Variants in RBFOX1 observed in about 807,000 individuals in gnomAD.
The protein encoded by RBFOX1 is RNA binding fox-1 homolog 1.
RBFOX1 carries 8 observed loss-of-function variants against 57.7 expected under a neutral mutation model. That is an observed-to-expected ratio of 0.14 (90% CI 0.08 to 0.25). RBFOX1 has a LOEUF of 0.25. Ranked by LOEUF, RBFOX1 falls within the 10% of genes least tolerant of loss-of-function variation. The probability of loss-of-function intolerance (pLI) is 1.00; values close to 1 mark genes in which losing one functional copy is unlikely to be tolerated. For missense variants in RBFOX1, 611 were observed against 548.5 expected, an observed-to-expected ratio of 1.11 and a Z score of -1.14; for synonymous variants, 326 against 222.4, an observed-to-expected ratio of 1.47 and a Z score of -4.15.
chr16:6,210,875 G>A (rs985263728), intron 1 of RBFOX1, among the ~76,000 whole-genome samples: 22 of 152,340 alleles, frequency 1.4e-4, no homozygotes, highest in Non-Finnish European at 2.8e-4. Flanking sequence ...CCCTAGAGGT[G>A]TCAGCTCAGC....
At chr16:5,898,744 C>T (rs991168502) in intron 4 of RBFOX1, among the ~76,000 whole-genome samples, 4 of 151,814 alleles carry the variant, frequency 2.6e-5, no homozygotes, top group African/African-American at 9.7e-5. Context: ...TTTGTAGCTT[C>T]CCTCTCATTA....
chr16:5,704,545 A>T (rs2051170039), intron 3 of RBFOX1, among the ~76,000 whole-genome samples: 1 of 152,204 alleles, frequency 6.6e-6, no homozygotes, highest in Non-Finnish European at 1.5e-5. Flanking sequence ...TTCAGCAGTC[A>T]CACCGTTATT....
At chr16:6,688,669 G>A (rs2059787386) in intron 3 of RBFOX1, among the ~76,000 whole-genome samples, 1 of 152,092 alleles carries the variant, frequency 6.6e-6, no homozygotes, top group African/African-American at 2.4e-5. Flanking sequence ...TTTAAGTTCT[G>A]GGATACATGT....
At position 6,969,790 on chromosome 16, in the gene RBFOX1, G is replaced by A. The variant is rs561788367; in HGVS notation, c.-15-82267G>A. On this transcript the variant is annotated intron_variant, in intron 3 of 15. Transcript: ENST00000550418. ...CGTATCTTAATTGCTGAGCTCTCTG[G>A]TGCCCCCTTCAGTTGTGTTGCCTCA... Among the ~76,000 whole-genome samples, 24 of 151,998 alleles carry A rather than the reference G, an allele frequency of 1.6e-4. 1 individual carries two copies. In the South Asian group the frequency reaches 2.5e-3, roughly 16 times the overall value.
intron 1 of RBFOX1, among the ~76,000 whole-genome samples, chr16:6,206,584 TATTAA>T (rs1361172287): frequency 2.6e-5 from 4 of 152,214 alleles, no homozygotes; most frequent in Admixed American, 2.6e-4. Flanking sequence ...TTGTTGAATA[TATTAA>T]ATTAAACCTT....
At chr16:7,682,569 T>C (rs2075043266) in intron 14 of RBFOX1, among the ~76,000 whole-genome samples, 1 of 151,826 alleles carries the variant, frequency 6.6e-6, no homozygotes, top group East Asian at 1.9e-4. Flanking sequence ...TAATCTTTTA[T>C]TTTTACTCAA....
intron 2 of RBFOX1, among the ~76,000 whole-genome samples, chr16:6,634,892 A>C (rs1450705867): frequency 7.2e-6 from 1 of 139,640 alleles, no homozygotes; most frequent in Non-Finnish European, 1.5e-5. Flanking sequence ...TAAATTAAAA[A>C]TACACATGTA....
intron 2 of RBFOX1, chr16:6,483,360 G>A (rs1469164375): frequency 3.3e-6 from 5 of 1,500,160 alleles, no homozygotes; most frequent in Non-Finnish European, 4.4e-6. Context: ...CAGCCCGGGC[G>A]AGCGAAGGCG....
chr16:5,518,589 C>T (rs542303851), intron 2 of RBFOX1, among the ~76,000 whole-genome samples: 2 of 152,152 alleles, frequency 1.3e-5, no homozygotes, highest in Non-Finnish European at 2.9e-5. Flanking sequence ...AATCCATAAA[C>T]CTGCAAGGAT....
intron 4 of RBFOX1, among the ~76,000 whole-genome samples, chr16:6,007,214 A>G (rs2094932836): frequency 6.6e-6 from 1 of 152,172 alleles, no homozygotes; most frequent in Non-Finnish European, 1.5e-5. Context: ...CATAAGTGGA[A>G]TAGGACAGAA....
At chr16:6,770,924 C>G (rs1019000507) in intron 3 of RBFOX1, among the ~76,000 whole-genome samples, 39 of 152,144 alleles carry the variant, frequency 2.6e-4, no homozygotes, top group African/African-American at 9.4e-4. Context: ...AGAATTACCT[C>G]TTATTTGGAG....
chr16:5,689,506 T>C (rs1322404590), intron 3 of RBFOX1, among the ~76,000 whole-genome samples: 1 of 152,204 alleles, frequency 6.6e-6, no homozygotes, highest in Non-Finnish European at 1.5e-5. Flanking sequence ...TTGTCTGGTA[T>C]GTGGGAAATA....
At chr16:6,517,280 G>C (rs1359185433) in intron 2 of RBFOX1, among the ~76,000 whole-genome samples, 1 of 152,134 alleles carries the variant, frequency 6.6e-6, no homozygotes, top group Non-Finnish European at 1.5e-5. Flanking sequence ...TATTCAGTTT[G>C]CTCTAATCCA....
intron 4 of RBFOX1, among the ~76,000 whole-genome samples, chr16:5,994,765 A>C (rs768711847): frequency 1.3e-5 from 2 of 152,072 alleles, no homozygotes; most frequent in Admixed American, 6.5e-5. Context: ...GATGAGCCCT[A>C]CTCCACACCA....
chr16:5,255,342 A>C (rs202067854), intron 1 of RBFOX1, among the ~76,000 whole-genome samples: 3,023 of 73,650 alleles, frequency 0.041, 99 homozygotes, highest in African/African-American at 0.13. Flanking sequence ...CCATCCATCC[A>C]TCCATCCATC....
intron 3 of RBFOX1, among the ~76,000 whole-genome samples, chr16:6,777,290 G>C (rs2079539150): frequency 6.6e-6 from 1 of 152,100 alleles, no homozygotes; most frequent in Non-Finnish European, 1.5e-5. Flanking sequence ...TGGAGTAATT[G>C]ATTAGTACTA....
chr16:5,515,694 A>G (rs1453890992), intron 2 of RBFOX1, among the ~76,000 whole-genome samples: 2 of 152,174 alleles, frequency 1.3e-5, no homozygotes, highest in African/African-American at 4.8e-5. Context: ...CCAATATCCA[A>G]TAGTTTTGGG....
chr16:6,093,332 G>A (rs2096202990), intron 1 of RBFOX1, among the ~76,000 whole-genome samples: 1 of 151,904 alleles, frequency 6.6e-6, no homozygotes, highest in South Asian at 2.1e-4. Context: ...ACATCTACTT[G>A]GAAGGTTGAG....
At chr16:5,650,303 G>A (rs946686418) in intron 3 of RBFOX1, among the ~76,000 whole-genome samples, 17 of 152,086 alleles carry the variant, frequency 1.1e-4, no homozygotes, top group African/African-American at 3.9e-4. Context: ...CACACTCCTC[G>A]TCCTCTTCAG....
Sources: allele counts gnomAD v4.1 joint callset (sites outside exome capture counted in the v4.1 genomes callset), GRCh38; gene constraint gnomAD v4.1.1; transcripts MANE v1.5; gene names NCBI Gene and HGNC (gene_info 2026-07-23, HGNC 2026-07-21).